The following MAP7 variants were observed in gnomAD, a reference collection of about 807,000 sequenced individuals.
MAP7 encodes the protein ensconsin.
Under a neutral mutation model 94.8 loss-of-function variants are expected in MAP7, and 52 were observed. The ratio of observed to expected loss-of-function variants is 0.55; its 90% confidence interval spans 0.44 to 0.69. MAP7 has a LOEUF of 0.69. Among genes scored for constraint, MAP7 ranks in the 30% least tolerant of loss-of-function variants. MAP7 has a pLI of 0.00. For missense variants in MAP7, 940 were observed against 964.6 expected (o/e 0.97, Z 0.34); for synonymous variants, 350 against 357.0 (o/e 0.98, Z 0.22).
chr6:136,466,822 G>T, intron 1 of MAP7: 2 of 1,533,756 alleles, frequency 1.3e-6, no homozygotes, highest in Admixed American at 2.0e-5. Flanking sequence ...CAACATATCT[G>T]CATGTCTCCC....
rs868215102 is a variant in MAP7, at chr6:136,483,144, A to G, written c.68-61345T>C. On this transcript the variant is annotated intron_variant, in intron 1 of 17. Transcript: ENST00000354570. ...AAGTATCTTTCAAAAAAAAAAAAAA[A>G]AAAGAAAAGAAAATGTGGTACATAT... Among the ~76,000 whole-genome samples, 149 of 151,452 alleles carry G rather than the reference A, an allele frequency of 9.8e-4. 1 individual carries two copies. The highest frequency in any genetic ancestry group is 3.3e-3 in the African/African-American group (138 of 41,240).
At chr6:136,543,025 C>T (rs977012920) in intron 1 of MAP7, among the ~76,000 whole-genome samples, 4 of 152,074 alleles carry the variant, frequency 2.6e-5, no homozygotes, top group South Asian at 4.1e-4. Flanking sequence ...AATGTAAAAC[C>T]GTAGAGTTGC....
chr6:136,525,982 T>A, intron 1 of MAP7: 1 of 1,491,310 alleles, frequency 6.7e-7, no homozygotes, highest in Non-Finnish European at 8.8e-7. Context: ...CTACTTGTTT[T>A]TTTTTTTTTT....
chr6:136,439,288 T>C (rs1312444657), intron 1 of MAP7, among the ~76,000 whole-genome samples: 1 of 152,102 alleles, frequency 6.6e-6, no homozygotes, highest in African/African-American at 2.4e-5. Flanking sequence ...CTTGCCCATA[T>C]TTTCTGCACA....
intron 1 of MAP7, among the ~76,000 whole-genome samples, chr6:136,518,294 A>G (rs1825443240): frequency 6.6e-6 from 1 of 152,142 alleles, no homozygotes; most frequent in African/African-American, 2.4e-5. Flanking sequence ...CCCACTCCAC[A>G]CTGGACCTGG....
At chr6:136,520,216 A>AGG (rs536540602) in intron 1 of MAP7, among the ~76,000 whole-genome samples, 56 of 147,642 alleles carry the variant, frequency 3.8e-4, no homozygotes, top group African/African-American at 1.3e-3. Flanking sequence ...AAAAAAAAAA[A>AGG]GGGGGGAGGA....
intron 1 of MAP7, among the ~76,000 whole-genome samples, chr6:136,424,475 G>A (rs185622160): frequency 6.6e-6 from 1 of 152,228 alleles, no homozygotes; most frequent in Admixed American, 6.5e-5. Context: ...AAGACAAGAG[G>A]AAGGATACAA....
chr6:136,521,664 A>C (rs1790049640), intron 1 of MAP7, among the ~76,000 whole-genome samples: 1 of 152,234 alleles, frequency 6.6e-6, no homozygotes, highest in Non-Finnish European at 1.5e-5. Flanking sequence ...AGAAGTGTCT[A>C]TCCACAGGTA....
intron 1 of MAP7, among the ~76,000 whole-genome samples, chr6:136,486,988 C>T (rs972908600): frequency 1.3e-5 from 2 of 151,834 alleles, no homozygotes; most frequent in African/African-American, 4.9e-5. Context: ...AAGGAAAGTG[C>T]TAACAAGTAT....
intron 1 of MAP7, among the ~76,000 whole-genome samples, chr6:136,429,717 C>G (rs1454575537): frequency 6.6e-6 from 1 of 152,110 alleles, no homozygotes; most frequent in African/African-American, 2.4e-5. Flanking sequence ...ATTGCGCTGA[C>G]AGGAATAAAC....
intron 3 of MAP7, among the ~76,000 whole-genome samples, chr6:136,390,735 A>T (rs558423018): frequency 6.6e-6 from 1 of 152,370 alleles, no homozygotes; most frequent in Non-Finnish European, 1.5e-5. Flanking sequence ...GTTTAATATT[A>T]AAGAATGCAT....
intron 1 of MAP7, among the ~76,000 whole-genome samples, chr6:136,491,251 A>G (rs1816504903): frequency 6.6e-6 from 1 of 152,230 alleles, no homozygotes; most frequent in Non-Finnish European, 1.5e-5. Context: ...GCTGAACAAC[A>G]TGAAATTGTC....
intron 1 of MAP7, among the ~76,000 whole-genome samples, chr6:136,487,245 T>C (rs1347171743): frequency 2.0e-5 from 3 of 152,132 alleles, no homozygotes; most frequent in Non-Finnish European, 2.9e-5. Context: ...CTGTAAACTG[T>C]AAAGAAAATG....
intron 3 of MAP7, among the ~76,000 whole-genome samples, chr6:136,405,942 T>A (rs1785454732): frequency 6.6e-6 from 1 of 152,196 alleles, no homozygotes; most frequent in African/African-American, 2.4e-5. Context: ...GGAATATAAA[T>A]TCCAGGAGGT....
At chr6:136,403,269 G>A (rs987911488) in intron 3 of MAP7, among the ~76,000 whole-genome samples, 21 of 152,144 alleles carry the variant, frequency 1.4e-4, no homozygotes, top group Admixed American at 4.6e-4. Context: ...CTTTATCACC[G>A]TCATCATCAT....
At chr6:136,348,188 A>C (rs986244222) in intron 16 of MAP7, among the ~76,000 whole-genome samples, 1 of 152,148 alleles carries the variant, frequency 6.6e-6, no homozygotes, top group Non-Finnish European at 1.5e-5. Context: ...GCAAAGGATA[A>C]AGAACAGGAA....
intron 3 of MAP7, among the ~76,000 whole-genome samples, chr6:136,390,808 C>T (rs994703363): frequency 2.0e-5 from 3 of 152,060 alleles, no homozygotes; most frequent in African/African-American, 7.2e-5. Flanking sequence ...TGAAAGTGAT[C>T]GGAACTGACT....
intron 1 of MAP7, chr6:136,476,104 T>C (rs565632235): frequency 6.6e-6 from 1 of 152,224 alleles, no homozygotes; most frequent in Non-Finnish European, 1.5e-5. Flanking sequence ...TGTCATCCAA[T>C]GATCTTTGTT....
rs374297435 is a variant in MAP7 at position 136,360,683 on chromosome 6, T to C, written c.1803+14A>G. The stretch of plus-strand genomic sequence containing the variant: ...AAGTTCGCGTCCCGGGCCTCTCTAC[T>C]AAGACGCAGCTACCTTCTTTCTCTC... On this transcript the variant is annotated intron_variant, in intron 13 of 17. Transcript: ENST00000354570. 16 of 1,613,172 alleles carry C rather than the reference T, an allele frequency of 9.9e-6. No individual in the cohort carries two copies. Among genetic ancestry groups the C allele is most frequent in the Non-Finnish European group, 1.2e-5 (14 of 1,179,364 alleles).
Sources: gnomAD v4.1 joint callset for allele counts (sites outside exome capture counted in the v4.1 genomes callset) on GRCh38, gnomAD v4.1.1 for gene constraint, MANE v1.5 for transcripts, NCBI Gene and HGNC (gene_info 2026-07-23, HGNC 2026-07-21) for gene names.